Variants in FERMT3 observed in about 807,000 individuals in gnomAD.
FERMT3 encodes the protein FERM domain containing kindlin 3, also known as fermitin family homolog 3.
Under a neutral mutation model 80.8 loss-of-function variants are expected in FERMT3, and 33 were observed. The observed-to-expected ratio is 0.41, with a 90% CI of 0.31 to 0.55. The LOEUF is 0.55. Among genes scored for constraint, FERMT3 ranks in the 20% least tolerant of loss-of-function variants. The pLI, the probability that FERMT3 is intolerant of heterozygous loss-of-function variation, is 0.31. For missense variants in FERMT3, 754 were observed against 908.7 expected (o/e 0.83, Z 2.19); for synonymous variants, 375 against 372.2 (o/e 1.01, Z -0.09).
chr11:64,212,787 T>C (rs1946471761), intron 6 of FERMT3, among the ~76,000 whole-genome samples: 1 of 152,024 alleles, frequency 6.6e-6, no homozygotes, highest in East Asian at 1.9e-4. Flanking sequence ...TCTCCTTCTC[T>C]CAGTCATCTC....
At chr11:64,212,950 G>T (rs1217281030) in intron 6 of FERMT3, among the ~76,000 whole-genome samples, 2 of 152,050 alleles carry the variant, frequency 1.3e-5, no homozygotes, top group Non-Finnish European at 2.9e-5. Flanking sequence ...CTGGAGGGCA[G>T]TAGTGTTATC....
At chr11:64,220,413 T>A in intron 11 of FERMT3, 23 bp from the exon 12 acceptor site, 2 of 1,609,664 alleles carry the variant, frequency 1.2e-6, no homozygotes, top group Non-Finnish European at 1.7e-6. Flanking sequence ...GTTAGCACTG[T>A]CCCCCTCACC....
Position 64,219,787 on chromosome 11 carries a change from T to G in FERMT3, c.1077T>G (p.Phe359Leu), listed in dbSNP as rs747475656. The G allele has an allele frequency of 1.9e-6, 3 of 1,613,918 alleles. No individual in the cohort carries two copies. Among genetic ancestry groups the G allele is most frequent in the Middle Eastern group, 1.6e-4 (1 of 6,082 alleles). Residue 359 changes from phenylalanine to leucine, a missense_variant and splice_region_variant, in exon 9 of 15, where the codon TTT (phenylalanine) becomes TTG (leucine). By Grantham distance (22) the Phe-to-Leu change is conservative. Coordinates refer to ENST00000345728, the MANE Select transcript of FERMT3 (RefSeq NM_031471.6). The surrounding 1 kb of genome is among the most constrained non-coding windows in gnomAD (Gnocchi z 4.0). ...AGCTCAAGGACCATCTCCGAATCTT[T>G]CGGTGAGTTGGGGGCCAGAGTAGGC... ...IPELKDHLRIFRPRKLTLKGY... is the reference protein window; with the variant it reads ...IPELKDHLRILRPRKLTLKGY...
Position 64,211,318 on chromosome 11 carries a change from G to A in FERMT3, c.558G>A (p.Ser186=), listed in dbSNP as rs747094642. 45 of 1,613,200 alleles carry A rather than the reference G, an allele frequency of 2.8e-5. No individual in the cohort carries two copies. The highest frequency in any genetic ancestry group is 4.4e-5 in the South Asian group (4 of 91,052). The part of the protein sequence containing the change: ...ALFRGMPAHF[S]DSAQTEACYH... ...TCCGGGGGATGCCAGCTCACTTCTC[G>A]GACAGCGCCCAGACTGAGGCCTGCT... The change falls in exon 5 of 15, where the codon TCG becomes TCA. Residue 186 remains serine (S), a synonymous_variant. Coordinates refer to ENST00000345728, the MANE Select transcript of FERMT3 (RefSeq NM_031471.6). The surrounding 1 kb of genome is among the most constrained non-coding windows in gnomAD (Gnocchi z 4.7).
At chr11:64,220,415 C>T in intron 11 of FERMT3, 21 bp from the exon 12 acceptor site, 1 of 1,609,918 alleles carries the variant, frequency 6.2e-7, no homozygotes, top group Middle Eastern at 1.7e-4. Flanking sequence ...TAGCACTGTC[C>T]CCCTCACCCC....
chr11:64,207,317 C>A (rs1474024344), intron 1 of FERMT3, 34 bp from the exon 2 acceptor site: 1 of 1,613,728 alleles, frequency 6.2e-7, no homozygotes, highest in Non-Finnish European at 8.5e-7. Context: ...CTACCAGGGC[C>A]TGCCCACCTT....
At position 64,223,818 on chromosome 11, in the gene FERMT3, G is replaced by A. The variant is rs1250689556; in HGVS notation, c.*326G>A. On this transcript the variant is annotated 3_prime_UTR_variant, in exon 15 of 15. Coordinates refer to ENST00000345728, the MANE Select transcript of FERMT3 (RefSeq NM_031471.6). ...TGTAGCTACAGGATGATGAAACATG[G>A]TTTCAAACGAGTTCTTTCTTGTTAC... 13 of 1,232,448 alleles carry A rather than the reference G, an allele frequency of 1.1e-5. No homozygotes were observed. In the Admixed American group the frequency reaches 3.0e-4, roughly 28 times the overall value. The allele number at this position is 1,232,448 out of a possible 1,614,324, so 76.3% of individuals were successfully genotyped here.
chr11:64,209,819 G>A (rs528242744), intron 2 of FERMT3, among the ~76,000 whole-genome samples: 1 of 152,160 alleles, frequency 6.6e-6, no homozygotes, highest in South Asian at 2.1e-4. Flanking sequence ...AGGGCTGTGT[G>A]CCCAGAGCAG....
chr11:64,206,860 C>T (rs1225159736), intron 1 of FERMT3, 46 bp downstream of exon 1: 5 of 158,786 alleles, frequency 3.1e-5, no homozygotes, highest in African/African-American at 9.6e-5. Context: ...TCTTCCTTAT[C>T]CTCCTGCAGC....
chr11:64,219,644 C>T lies in FERMT3; in HGVS notation c.1015C>T (p.Pro339Ser), dbSNP rs1946629698. Residue 339 changes from proline (P) to serine (S), a missense_variant, in exon 8 of 15, where the codon CCC becomes TCC. Coordinates refer to ENST00000345728, the MANE Select transcript of FERMT3 (RefSeq NM_031471.6). This position sits in a 1 kb window ranked among gnomAD's most constrained non-coding sequence, Gnocchi z 4.0. ...GGAGGTGAAGCTGGAGGGGTCGGCG[C>T]CCACAGATGTGCTGGTGAGGAGGGG... is the stretch of plus-strand genomic sequence containing the variant. ...NLEVKLEGSA[P>S]TDVLDSLTTI... is the part of the protein sequence containing the mutation. 6.2e-7 allele frequency: 1 copy of T among 1,613,270 alleles called. No homozygotes were observed. The highest frequency in any genetic ancestry group is 1.3e-5 in the African/African-American group (1 of 74,834).
chr11:64,220,673 C>T lies in FERMT3; in HGVS notation c.1545+4C>T. On this transcript the variant is annotated splice_donor_region_variant and intron_variant, in intron 12 of 14. Coordinates refer to ENST00000345728, the MANE Select transcript of FERMT3 (RefSeq NM_031471.6). ...GCGAAAGTTCAAGGCCAAGCAGGTA[C>T]CAGAAGGCGTCAGGGTGGGAATGAG... The T allele has an allele frequency of 6.2e-7, 1 of 1,607,578 alleles. No individual in the cohort carries two copies. The highest frequency in any genetic ancestry group is 8.5e-7 in the Non-Finnish European group (1 of 1,177,030).
At position 64,218,793 on chromosome 11, in the gene FERMT3, T is replaced by G. The variant is rs375467739; in HGVS notation, c.787-458T>G. 4.7e-4 allele frequency among the ~76,000 whole-genome samples: 71 copies of G among 152,280 alleles called. 1 individual carries two copies. In the East Asian group the frequency reaches 0.013, roughly 28 times the overall value. ...GTGGCCCACTGTCATCCTTCCTATC[T>G]CTACTCAGCTTGTCACCTCCTCAGG... On this transcript the variant is annotated intron_variant, in intron 6 of 14. Coordinates refer to ENST00000345728, the MANE Select transcript of FERMT3 (RefSeq NM_031471.6).
chr11:64,217,026 A>G (rs1048092666), intron 6 of FERMT3, among the ~76,000 whole-genome samples: 5 of 152,130 alleles, frequency 3.3e-5, no homozygotes, highest in African/African-American at 1.2e-4. Context: ...AGCTCTAAGA[A>G]ACCAATTGGA....
chr11:64,210,158 C>CA lies in FERMT3; in HGVS notation c.161-452dup, dbSNP rs1946404037. Among the ~76,000 whole-genome samples the CA allele has an allele frequency of 6.6e-6, 1 of 152,204 alleles. No homozygotes were observed. Among genetic ancestry groups the CA allele is most frequent in the Admixed American group, 6.5e-5 (1 of 15,286 alleles). ...CTAATAGCTAAAAATATTGAGTGCTCACTGCTCCAGGCCAGGCACAGGTCC... is the reference window on the plus strand; with the variant it reads ...CTAATAGCTAAAAATATTGAGTGCTCAACTGCTCCAGGCCAGGCACAGGTCC... On this transcript the variant is annotated intron_variant, in intron 2 of 14. Coordinates refer to ENST00000345728, the MANE Select transcript of FERMT3 (RefSeq NM_031471.6). The surrounding 1 kb of genome is among the most constrained non-coding windows in gnomAD (Gnocchi z 4.3).
chr11:64,223,020 T>G (rs764434353), intron 13 of FERMT3, 28 bp from the exon 14 acceptor site: 3 of 1,612,866 alleles, frequency 1.9e-6, no homozygotes, highest in Admixed American at 3.3e-5. Context: ...GGTGGAGCCC[T>G]GGCTCACTCT....
At chr11:64,216,171 G>C (rs1197310919) in intron 6 of FERMT3, among the ~76,000 whole-genome samples, 1 of 149,620 alleles carries the variant, frequency 6.7e-6, no homozygotes, top group Non-Finnish European at 1.5e-5. Flanking sequence ...CTTGATTTAT[G>C]AGTGCAGTGC....
chr11:64,207,112 C>G (rs186677388), intron 1 of FERMT3, among the ~76,000 whole-genome samples: 3 of 152,196 alleles, frequency 2.0e-5, no homozygotes, highest in Non-Finnish European at 1.5e-5. Context: ...TCAGTCTGCC[C>G]GCCTGTAGGA....
rs1363376086 is a variant in FERMT3, at chr11:64,219,261, T to C, written c.797T>C (p.Val266Ala). The change falls in exon 7 of 15, where the codon GTG (valine) becomes GCG (alanine). Residue 266 changes from valine (V) to alanine (A), a missense_variant. Coordinates refer to ENST00000345728, the MANE Select transcript of FERMT3 (RefSeq NM_031471.6). The surrounding 1 kb of genome is among the most constrained non-coding windows in gnomAD (Gnocchi z 4.0). ...FFDLDPKTDP[V>A]RLTQLYEQAR... ...CTCCCCCCGCTCCAGACAGACCCCG[T>C]GCGGCTGACACAGCTGTATGAGCAG... 1.9e-6 allele frequency: 3 copies of C among 1,597,352 alleles called. No homozygotes were observed. Among genetic ancestry groups the C allele is most frequent in the Admixed American group, 1.7e-5 (1 of 57,672 alleles).
chr11:64,222,398 C>T (rs1367071835), intron 13 of FERMT3, among the ~76,000 whole-genome samples: 5 of 151,536 alleles, frequency 3.3e-5, no homozygotes, highest in African/African-American at 1.2e-4. Context: ...AACCCCGTCT[C>T]TACTAAAAAC....
Sources: gnomAD v4.1 joint callset for allele counts (sites outside exome capture counted in the v4.1 genomes callset) on GRCh38, gnomAD v4.1.1 for gene constraint, Gnocchi (gnomAD v3.1) non-coding constraint, MANE v1.5 for transcripts, NCBI Gene and HGNC (gene_info 2026-07-23, HGNC 2026-07-21) for gene names.